CDH8: variants seen among roughly 807,000 people sequenced by gnomAD.
CDH8 encodes cadherin 8.
CDH8 carries 17 observed loss-of-function variants against 68.1 expected under a neutral mutation model. The ratio of observed to expected loss-of-function variants is 0.25; its 90% CI spans 0.17 to 0.37. CDH8 has a LOEUF of 0.37. Among genes scored for constraint, CDH8 ranks in the 10% least tolerant of loss-of-function variants. The pLI, the probability that CDH8 is intolerant of heterozygous loss-of-function variation, is 1.00. For synonymous variants in CDH8, 372 were observed against 365.1 expected, an observed-to-expected ratio of 1.02 and a Z score of -0.21; for missense variants, 763 against 999.3, an observed-to-expected ratio of 0.76 and a Z score of 3.19.
chr16:61,801,267 A>G (rs1961620266), intron 7 of CDH8, among the ~76,000 whole-genome samples: 1 of 152,234 alleles, frequency 6.6e-6, no homozygotes, highest in South Asian at 2.1e-4. Context: ...CAGGTCTAGT[A>G]TACCACACTG....
intron 2 of CDH8, among the ~76,000 whole-genome samples, chr16:62,001,930 G>A (rs1213728824): frequency 1.3e-5 from 2 of 152,042 alleles, no homozygotes. Flanking sequence ...AAGACAAGTA[G>A]ATAAGACAAG....
Position 61,966,702 on chromosome 16 carries a change from A to G in CDH8, c.252+54450T>C, listed in dbSNP as rs376527591. On this transcript the variant is annotated intron_variant, in intron 2 of 11. Transcript: ENST00000577390. ...TTGCTTCAAATCAAAATTAAATCAA[A>G]TCAAAATTAAATCAACTAAATCAAT... 1.1e-4 allele frequency among the ~76,000 whole-genome samples: 17 copies of G among 152,320 alleles called. No homozygotes were observed. The East Asian group carries it at 3.1e-3, about 28-fold the overall frequency.
In CDH8 at chr16:61,821,000, C is replaced by A. The variant is rs762249948; in HGVS notation, c.949G>T (p.Asp317Tyr). The stretch of plus-strand genomic sequence containing the variant: ...TCAAAAAGTGCTGTTCCATCTCCAT[C>A]GATGATATCATATGATGACTGTGCA... ...ENAQSSYDII[D>Y]GDGTALFEIT... The change falls in exon 6 of 12, where the codon GAT becomes TAT. Residue 317 changes from aspartate to tyrosine, a missense_variant. Coordinates refer to ENST00000577390, the MANE Select transcript of CDH8 (RefSeq NM_001796.5). The A allele has an allele frequency of 1.9e-6, 3 of 1,612,874 alleles. No individual in the cohort carries two copies. Among genetic ancestry groups the A allele is most frequent in the Non-Finnish European group, 2.5e-6 (3 of 1,179,214 alleles).
chr16:61,705,808 A>G (rs186918875), intron 10 of CDH8, among the ~76,000 whole-genome samples: 3 of 152,212 alleles, frequency 2.0e-5, no homozygotes, highest in African/African-American at 7.2e-5. Context: ...AAATCATAAT[A>G]TTGTTCAGAC....
chr16:62,010,858 G>A (rs980286849), intron 2 of CDH8, among the ~76,000 whole-genome samples: 2 of 151,544 alleles, frequency 1.3e-5, no homozygotes, highest in African/African-American at 4.9e-5. Context: ...CAGGAGATGC[G>A]CTTGAACCCG....
intron 8 of CDH8, among the ~76,000 whole-genome samples, chr16:61,768,596 C>T (rs1019148673): frequency 1.3e-5 from 2 of 151,444 alleles, no homozygotes; most frequent in Admixed American, 1.3e-4. Flanking sequence ...TTTGGTGAGA[C>T]CCTGAAAGTG....
intron 8 of CDH8, among the ~76,000 whole-genome samples, chr16:61,744,651 T>G (rs1001724624): frequency 2.0e-5 from 3 of 148,636 alleles, no homozygotes; most frequent in Non-Finnish European, 4.4e-5. Flanking sequence ...GTTTTTTAAC[T>G]AATTAGTTTT....
chr16:61,913,419 C>T (rs1964190408), intron 2 of CDH8, among the ~76,000 whole-genome samples: 1 of 152,072 alleles, frequency 6.6e-6, no homozygotes, highest in African/African-American at 2.4e-5. Flanking sequence ...TATGCAAATC[C>T]TATGCCAGTG....
intron 3 of CDH8, among the ~76,000 whole-genome samples, chr16:61,886,505 C>T (rs1251174041): frequency 6.6e-6 from 1 of 152,150 alleles, no homozygotes; most frequent in Non-Finnish European, 1.5e-5. Context: ...AAACATAATA[C>T]ATCTCTCCAT....
intron 9 of CDH8, among the ~76,000 whole-genome samples, chr16:61,722,158 T>C (rs1203753480): frequency 6.6e-6 from 1 of 150,834 alleles, no homozygotes; most frequent in Non-Finnish European, 1.5e-5. Flanking sequence ...ACAGGTATCT[T>C]CCATTCTTCT....
At chr16:61,812,251 T>C (rs977404698) in intron 7 of CDH8, among the ~76,000 whole-genome samples, 5 of 152,330 alleles carry the variant, frequency 3.3e-5, no homozygotes, top group Middle Eastern at 3.4e-3. Context: ...TTCAGGAGAA[T>C]TGCTGATGAA....
At chr16:61,743,184 T>C (rs1220557506) in intron 8 of CDH8, 1 of 152,176 alleles carries the variant, frequency 6.6e-6, no homozygotes. Context: ...CACACCTCAT[T>C]TGGATGTGTC....
chr16:61,734,258 G>C (rs368772150), intron 8 of CDH8, among the ~76,000 whole-genome samples: 4 of 152,048 alleles, frequency 2.6e-5, no homozygotes, highest in Admixed American at 6.6e-5. Context: ...ATTCGCAGTT[G>C]GAGTTGAGGT....
chr16:61,911,525 G>A (rs562365063), intron 2 of CDH8, among the ~76,000 whole-genome samples: 9 of 152,164 alleles, frequency 5.9e-5, no homozygotes, highest in Non-Finnish European at 1.2e-4. Context: ...AGGCATAGGC[G>A]TTGGAAGTTA....
chr16:61,722,794 C>T (rs1279605196), intron 9 of CDH8, among the ~76,000 whole-genome samples: 1 of 150,424 alleles, frequency 6.6e-6, no homozygotes, highest in African/African-American at 2.4e-5. Flanking sequence ...AACTTTGATA[C>T]CCCCATAATA....
At chr16:61,654,622 G>T (rs960707127) in intron 11 of CDH8, among the ~76,000 whole-genome samples, 1 of 152,184 alleles carries the variant, frequency 6.6e-6, no homozygotes, top group African/African-American at 2.4e-5. Flanking sequence ...TTGTGGGAGG[G>T]CTGGAATGCC....
chr16:61,694,813 G>T (rs149366768), intron 10 of CDH8, among the ~76,000 whole-genome samples: 3 of 151,998 alleles, frequency 2.0e-5, no homozygotes, highest in African/African-American at 7.2e-5. Context: ...ACAGAGTCTC[G>T]CTCTGTCACC....
chr16:61,856,172 A>G (rs1963043284), intron 4 of CDH8, among the ~76,000 whole-genome samples: 2 of 152,140 alleles, frequency 1.3e-5, no homozygotes, highest in Non-Finnish European at 2.9e-5. Flanking sequence ...AGCGCTGAAA[A>G]GTCATGAATC....
chr16:61,730,141 T>C (rs1299224832), intron 8 of CDH8, among the ~76,000 whole-genome samples: 1 of 151,370 alleles, frequency 6.6e-6, no homozygotes, highest in Non-Finnish European at 1.5e-5. Context: ...TTGCAATAAA[T>C]TGCAATTATC....
Sources: gnomAD v4.1 joint callset for allele counts (sites outside exome capture counted in the v4.1 genomes callset) on GRCh38, gnomAD v4.1.1 for gene constraint, MANE v1.5 for transcripts, NCBI Gene and HGNC (gene_info 2026-07-23, HGNC 2026-07-21) for gene names.